Variants in ARL3 observed in about 807,000 individuals in gnomAD.
The protein encoded by ARL3 is ADP-ribosylation factor-like protein 3.
In ARL3, 9 loss-of-function variants were observed where a neutral mutation model predicts 26.0. That is an observed-to-expected ratio of 0.35 (90% confidence interval 0.21 to 0.60). The LOEUF (loss-of-function observed/expected upper bound fraction) is 0.60. Ranked by LOEUF, ARL3 falls within the 20% of genes least tolerant of loss-of-function variation. The probability of loss-of-function intolerance (pLI) is 0.78; values close to 1 mark genes in which losing one functional copy is unlikely to be tolerated. For synonymous variants in ARL3, 71 were observed against 78.4 expected, an observed-to-expected ratio of 0.91 and a Z score of 0.50; for missense variants, 158 against 215.7, an observed-to-expected ratio of 0.73 and a Z score of 1.67.
intron 2 of ARL3, among the ~76,000 whole-genome samples, chr10:102,700,408 C>CAAAAAAAAAAA (rs56041064): frequency 1.3e-4 from 12 of 89,466 alleles, no homozygotes; most frequent in African/African-American, 5.4e-4. Flanking sequence ...GATTCCATCT[C>CAAAAAAAAAAA]AAAAAAAAAA....
chr10:102,700,590 G>A (rs1200403097), intron 2 of ARL3, among the ~76,000 whole-genome samples: 1 of 150,082 alleles, frequency 6.7e-6, no homozygotes. Flanking sequence ...TCAGCCTCCC[G>A]AGTAGCTGGA....
At chr10:102,702,545 T>G (rs1203603197) in intron 2 of ARL3, among the ~76,000 whole-genome samples, 1 of 152,158 alleles carries the variant, frequency 6.6e-6, no homozygotes, top group African/African-American at 2.4e-5. Context: ...AATGAGAACT[T>G]TGGGTTCCTA....
Position 102,676,744 on chromosome 10 carries a change from G to A in ARL3, c.*150C>T, listed in dbSNP as rs1180123779. On this transcript the variant is annotated 3_prime_UTR_variant, in exon 6 of 6. Transcript: ENST00000260746. ...GATCAGTTAAATCTACTGCTGGAATGGGGATTCTTTCTAAACCGTGTTGTT... is the reference window on the plus strand; with the variant it reads ...GATCAGTTAAATCTACTGCTGGAATAGGGATTCTTTCTAAACCGTGTTGTT... 1 of 719,038 alleles carries A rather than the reference G, an allele frequency of 1.4e-6. No homozygotes were observed. The highest frequency in any genetic ancestry group is 2.6e-5 in the East Asian group (1 of 38,964). 44.5% of individuals were successfully genotyped at this position (719,038 alleles called of 1,614,324 possible). A position where few individuals can be genotyped will look rare whatever the true frequency, so the allele number is the denominator to read the frequency against.
At chr10:102,698,071 G>T (rs1564732032) in intron 3 of ARL3, among the ~76,000 whole-genome samples, 1 of 152,052 alleles carries the variant, frequency 6.6e-6, no homozygotes. Flanking sequence ...AGTTTTCTGG[G>T]GCTTATTTTT....
At chr10:102,688,531 TCA>T (rs2064199674) in intron 4 of ARL3, among the ~76,000 whole-genome samples, 2 of 141,350 alleles carry the variant, frequency 1.4e-5, no homozygotes, top group African/African-American at 5.3e-5. Context: ...AGAGGGAGTC[TCA>T]CTCTGTCACC....
In ARL3 at chr10:102,705,462, T is replaced by TC. The variant is rs1336667982; in HGVS notation, c.30dup (p.Lys11GlufsTer17). On this transcript the variant is annotated frameshift_variant, in exon 2 of 6. Coordinates refer to ENST00000260746, the MANE Select transcript of ARL3 (RefSeq NM_004311.4). LOFTEE classifies it high-confidence loss of function. The stretch of plus-strand genomic sequence containing the variant: ...CTCACCTCCTGGTCTGGTGCACTTT[T>TC]CAACTTGCGCAAAATTGAGAGCAAG... 6.2e-7 allele frequency: 1 copy of TC among 1,602,966 alleles called. No individual in the cohort carries two copies. Among genetic ancestry groups the TC allele is most frequent in the Non-Finnish European group, 8.5e-7 (1 of 1,171,010 alleles).
intron 2 of ARL3, among the ~76,000 whole-genome samples, chr10:102,702,471 G>A (rs1315863514): frequency 6.6e-6 from 1 of 151,990 alleles, no homozygotes; most frequent in Non-Finnish European, 1.5e-5. Flanking sequence ...TAAAGAATAT[G>A]AAACCTTGAC....
At chr10:102,690,219 A>C (rs1234424153) in intron 3 of ARL3, among the ~76,000 whole-genome samples, 1 of 151,902 alleles carries the variant, frequency 6.6e-6, no homozygotes. Context: ...TGGGCACTTG[A>C]TGTTGTCACT....
At chr10:102,697,556 G>C (rs1206852019) in intron 3 of ARL3, among the ~76,000 whole-genome samples, 1 of 152,196 alleles carries the variant, frequency 6.6e-6, no homozygotes, top group African/African-American at 2.4e-5. Flanking sequence ...GCACATGACT[G>C]TATATGAAAC....
At chr10:102,688,792 C>A (rs913408764) in intron 4 of ARL3, among the ~76,000 whole-genome samples, 1 of 152,130 alleles carries the variant, frequency 6.6e-6, no homozygotes, top group Non-Finnish European at 1.5e-5. Flanking sequence ...CGCGAGCCAC[C>A]GCACCCAGCC....
At chr10:102,704,334 A>T (rs1427974721) in intron 2 of ARL3, among the ~76,000 whole-genome samples, 1 of 152,012 alleles carries the variant, frequency 6.6e-6, no homozygotes, top group Non-Finnish European at 1.5e-5. Context: ...CAGAGAAGAT[A>T]AAGCTATTTT....
intron 3 of ARL3, among the ~76,000 whole-genome samples, chr10:102,690,825 T>C (rs894144738): frequency 3.9e-5 from 6 of 152,026 alleles, no homozygotes; most frequent in Middle Eastern, 3.2e-3. Context: ...ATGTTCTCAA[T>C]GTCGTCTTCC....
intron 5 of ARL3, among the ~76,000 whole-genome samples, chr10:102,681,752 G>A (rs1247661291): frequency 1.3e-5 from 2 of 152,220 alleles, no homozygotes; most frequent in Non-Finnish European, 2.9e-5. Context: ...ACCATGGCTA[G>A]AGGTCAGGTT....
chr10:102,713,631 A>G lies in ARL3; in HGVS notation c.3+642T>C, dbSNP rs547002482. Among the ~76,000 whole-genome samples the G allele has an allele frequency of 2.0e-5, 3 of 152,332 alleles. No homozygotes were observed. The East Asian group carries it at 5.8e-4, about 29-fold the overall frequency. On this transcript the variant is annotated intron_variant, in intron 1 of 5. Transcript: ENST00000260746. ...AGATCCTGCAAAACTCTCAGCAAATAACTAAATAATTCGGGACTGAGGAAG... is the reference window on the plus strand; with the variant it reads ...AGATCCTGCAAAACTCTCAGCAAATGACTAAATAATTCGGGACTGAGGAAG...
At chr10:102,684,701 C>T (rs757376344) in intron 5 of ARL3, among the ~76,000 whole-genome samples, 5 of 151,668 alleles carry the variant, frequency 3.3e-5, no homozygotes, top group South Asian at 2.1e-4. Flanking sequence ...TGCAGTGATG[C>T]GATCTTGGCT....
chr10:102,693,401 G>A (rs1189867219), intron 3 of ARL3, among the ~76,000 whole-genome samples: 1 of 151,958 alleles, frequency 6.6e-6, no homozygotes, highest in African/African-American at 2.4e-5. Context: ...GTATTAATAT[G>A]TAGTACCATA....
chr10:102,708,908 A>ATATATATATATATAT lies in ARL3; in HGVS notation c.4-3420_4-3419insATATATATATATATA. ...ATATTATATATATATATATATATAT[A>ATATATATATATATAT]TTTTTTTTTTTTTTGAGACAAGGTC... On this transcript the variant is annotated intron_variant, in intron 1 of 5. Transcript: ENST00000260746. 1.6e-3 allele frequency among the ~76,000 whole-genome samples: 151 copies of ATATATATATATATAT among 95,282 alleles called. 1 individual carries two copies. Among genetic ancestry groups the ATATATATATATATAT allele is most frequent in the African/African-American group, 5.6e-3 (134 of 23,794 alleles). The allele number at this position is 95,282 out of a possible 152,430, so 62.5% of individuals were successfully genotyped here.
intron 1 of ARL3, among the ~76,000 whole-genome samples, chr10:102,709,421 C>G (rs1257223888): frequency 6.8e-6 from 1 of 147,000 alleles, no homozygotes; most frequent in East Asian, 2.0e-4. Flanking sequence ...AGGAGGATAG[C>G]TCAAGGCCAG....
intron 4 of ARL3, 70 bp downstream of exon 4, chr10:102,689,823 C>G (rs1012690409): frequency 6.9e-6 from 7 of 1,010,360 alleles, no homozygotes; most frequent in African/African-American, 1.7e-5. Context: ...AGCAAAAACT[C>G]CGTCTCAAAA....
Sources: allele counts gnomAD v4.1 joint callset (sites outside exome capture counted in the v4.1 genomes callset), GRCh38; gene constraint gnomAD v4.1.1; transcripts MANE v1.5; gene names NCBI Gene and HGNC (gene_info 2026-07-23, HGNC 2026-07-21).